NR3C2: variants seen among roughly 807,000 people sequenced by gnomAD.
The protein encoded by NR3C2 is nuclear receptor subfamily 3 group C member 2.
NR3C2 carries 15 observed loss-of-function variants against 86.4 expected under a neutral mutation model. The ratio of observed to expected loss-of-function variants is 0.17; its 90% CI spans 0.12 to 0.27. The LOEUF is 0.27. NR3C2 is among the 10% of genes least tolerant of loss of function. The pLI, the probability that NR3C2 is intolerant of heterozygous loss-of-function variation, is 1.00. For synonymous variants in NR3C2, 458 were observed against 450.5 expected, an observed-to-expected ratio of 1.02 and a Z score of -0.21; for missense variants, 960 against 1,195.6, an observed-to-expected ratio of 0.80 and a Z score of 2.91.
At chr4:148,390,890 C>G (rs72658605) in intron 2 of NR3C2, among the ~76,000 whole-genome samples, 2 of 152,004 alleles carry the variant, frequency 1.3e-5, no homozygotes, top group African/African-American at 2.4e-5. Context: ...TCTGGTACAC[C>G]ACAGTAATTT....
intron 2 of NR3C2, among the ~76,000 whole-genome samples, chr4:148,425,359 GAA>G (rs1404588657): frequency 6.6e-6 from 1 of 152,162 alleles, no homozygotes; most frequent in African/African-American, 2.4e-5. Context: ...GTACTGCTAT[GAA>G]GAGAGACAAA....
intron 2 of NR3C2, among the ~76,000 whole-genome samples, chr4:148,263,060 C>A (rs1366704947): frequency 6.6e-6 from 1 of 152,108 alleles, no homozygotes; most frequent in Non-Finnish European, 1.5e-5. Flanking sequence ...ACAGCCCCTG[C>A]CAGAATGACC....
At chr4:148,104,806 A>G (rs1043984227) in intron 8 of NR3C2, among the ~76,000 whole-genome samples, 2 of 152,226 alleles carry the variant, frequency 1.3e-5, no homozygotes, top group Non-Finnish European at 2.9e-5. Flanking sequence ...ACCGAAAGCC[A>G]AAAACTGAAG....
At chr4:148,308,992 G>A (rs543193348) in intron 2 of NR3C2, among the ~76,000 whole-genome samples, 28 of 151,678 alleles carry the variant, frequency 1.8e-4, no homozygotes, top group African/African-American at 5.6e-4. Context: ...TAAAAAATAT[G>A]TATATATTAT....
chr4:148,147,786 CTCAGCGAAAGCATATAGAACATG>C, intron 6 of NR3C2, among the ~76,000 whole-genome samples: 1 of 152,170 alleles, frequency 6.6e-6, no homozygotes, highest in East Asian at 1.9e-4. Flanking sequence ...CGGGTAATGG[CTCAGCGAAAGCATATAGAACATG>C]TTCAGAAGAC....
chr4:148,191,531 C>T (rs549469351), intron 4 of NR3C2, among the ~76,000 whole-genome samples: 8 of 152,296 alleles, frequency 5.3e-5, no homozygotes, highest in Non-Finnish European at 1.0e-4. Context: ...GTTGAAGTCT[C>T]CTGCAAGACC....
chr4:148,331,912 A>G (rs566926429), intron 2 of NR3C2, among the ~76,000 whole-genome samples: 20 of 152,208 alleles, frequency 1.3e-4, no homozygotes, highest in Non-Finnish European at 2.4e-4. Flanking sequence ...GAAGAGGTGC[A>G]GTAAGAGTAT....
rs538188085 is a variant in NR3C2, at chr4:148,343,942, T to C, written c.1758-83825A>G. 3.9e-5 allele frequency among the ~76,000 whole-genome samples: 6 copies of C among 152,266 alleles called. No homozygotes were observed. In the South Asian group the frequency reaches 1.2e-3, roughly 32 times the overall value. ...TTCTGAGGCCAGTTGTATTACTGTT[T>C]GTTGACTCTCGAGGATAATAAGCAG... On this transcript the variant is annotated intron_variant, in intron 2 of 8. Transcript: ENST00000358102.
At chr4:148,441,911 C>T (rs1476378190) in intron 1 of NR3C2, among the ~76,000 whole-genome samples, 1 of 152,254 alleles carries the variant, frequency 6.6e-6, no homozygotes, top group African/African-American at 2.4e-5. Flanking sequence ...AGACCTCCCA[C>T]TGCCAAAGGC....
intron 2 of NR3C2, among the ~76,000 whole-genome samples, chr4:148,428,993 A>AC (rs1749678309): frequency 6.6e-6 from 1 of 151,730 alleles, no homozygotes; most frequent in Admixed American, 6.6e-5. Flanking sequence ...AGGTTTTCTC[A>AC]CCCCCAACCC....
Position 148,081,147 on chromosome 4 carries a change from C to A in NR3C2, c.*197G>T. 1.5e-6 allele frequency: 1 copy of A among 674,650 alleles called. No individual in the cohort carries two copies. The highest frequency in any genetic ancestry group is 2.6e-6 in the Non-Finnish European group (1 of 382,962). 41.8% of individuals were successfully genotyped at this position (674,650 alleles called of 1,614,324 possible). A position where few individuals can be genotyped will look rare whatever the true frequency, so the allele number is the denominator to read the frequency against. On this transcript the variant is annotated 3_prime_UTR_variant, in exon 9 of 9. Coordinates refer to ENST00000358102, the MANE Select transcript of NR3C2 (RefSeq NM_000901.5). Reference sequence around the variant, plus strand: ...GGGGGATTGGAGGTGGGGAATCCTTCAGACTGCTCTGGTCTCGCCAAATCC... The same window carrying A: ...GGGGGATTGGAGGTGGGGAATCCTTAAGACTGCTCTGGTCTCGCCAAATCC...
chr4:148,258,629 G>T (rs1301184846), intron 3 of NR3C2, among the ~76,000 whole-genome samples: 1 of 152,176 alleles, frequency 6.6e-6, no homozygotes, highest in East Asian at 1.9e-4. Flanking sequence ...TATAGGAATT[G>T]CTAGGAACAG....
intron 6 of NR3C2, among the ~76,000 whole-genome samples, chr4:148,136,339 G>A (rs1197185386): frequency 6.6e-6 from 1 of 151,464 alleles, no homozygotes; most frequent in Non-Finnish European, 1.5e-5. Flanking sequence ...GAAAGAGTGG[G>A]GGACCAGTCA....
rs771797190 is a variant in NR3C2 at position 148,436,812 on chromosome 4, T to C, written c.49A>G (p.Arg17Gly). ...GCCTGAGAAACTTGACCCCACCGTC[T>C]TTCCATATCTAGACCTTCAGGGAGA... The part of the protein sequence containing the change: ...HSLPEGLDME[R>G]RWGQVSQAVE... Residue 17 changes from arginine to glycine, a missense_variant, in exon 2 of 9, where the codon AGA becomes GGA. Transcript: ENST00000358102. 1 of 1,612,792 alleles carries C rather than the reference T, an allele frequency of 6.2e-7. No homozygotes were observed. Among genetic ancestry groups the C allele is most frequent in the Non-Finnish European group, 8.5e-7 (1 of 1,179,914 alleles).
chr4:148,239,853 T>C (rs1224433859), intron 3 of NR3C2, among the ~76,000 whole-genome samples: 1 of 151,980 alleles, frequency 6.6e-6, no homozygotes, highest in Non-Finnish European at 1.5e-5. Context: ...TTTCAAGTGG[T>C]TTTCCTCGGT....
At chr4:148,331,021 C>T (rs1446994394) in intron 2 of NR3C2, among the ~76,000 whole-genome samples, 3 of 152,158 alleles carry the variant, frequency 2.0e-5, no homozygotes, top group African/African-American at 7.2e-5. Flanking sequence ...GAGCCATAAA[C>T]CAATTAAACC....
chr4:148,370,211 GC>G (rs1746347052), intron 2 of NR3C2, among the ~76,000 whole-genome samples: 1 of 152,154 alleles, frequency 6.6e-6, no homozygotes, highest in Non-Finnish European at 1.5e-5. Context: ...TGAACTTTGG[GC>G]CCTAGGAGCC....
chr4:148,355,373 A>T (rs1401281886), intron 2 of NR3C2, among the ~76,000 whole-genome samples: 1 of 151,896 alleles, frequency 6.6e-6, no homozygotes, highest in Non-Finnish European at 1.5e-5. Context: ...ATTTATCATA[A>T]TGTTTCTGCC....
In NR3C2 at chr4:148,436,760, G is replaced by A. The variant is rs752548772; in HGVS notation, c.101C>T (p.Thr34Ile). 2 of 1,614,058 alleles carry A rather than the reference G, an allele frequency of 1.2e-6. No individual in the cohort carries two copies. The highest frequency in any genetic ancestry group is 1.7e-5 in the Admixed American group (1 of 60,022). Residue 34 changes from threonine to isoleucine, a missense_variant, in exon 2 of 9, where the codon ACA (threonine) becomes ATA (isoleucine). Around this residue, in one of 4 missense-constraint regions of NR3C2, gnomAD observed 680 missense variants for 719.0 expected, o/e 0.95. Coordinates refer to ENST00000358102, the MANE Select transcript of NR3C2 (RefSeq NM_000901.5). ...GTAGTTATTCTCATCGGTCCTCTCT[G>A]TAGGTCCCAGGGAAGAACGCTCCAC... ...QAVERSSLGP[T>I]ERTDENNYME...
Sources: allele counts gnomAD v4.1 joint callset (sites outside exome capture counted in the v4.1 genomes callset), GRCh38; gene constraint gnomAD v4.1.1; regional missense constraint gnomAD v4.1.1; transcripts MANE v1.5; gene names NCBI Gene and HGNC (gene_info 2026-07-23, HGNC 2026-07-21).